TKTL1: variants seen among roughly 807,000 people sequenced by gnomAD.
TKTL1 encodes the protein transketolase-like protein 1.
TKTL1 carries 1 observed loss-of-function variant against 39.3 expected under a neutral mutation model. The ratio of observed to expected loss-of-function variants is 0.03; its 90% CI spans 0.01 to 0.12. The LOEUF (loss-of-function observed/expected upper bound fraction) is 0.12, where lower values mean the gene tolerates loss of function less well. TKTL1 is among the 10% of genes least tolerant of loss of function. The pLI is 1.00. For synonymous variants in TKTL1, 262 were observed against 193.8 expected, an observed-to-expected ratio of 1.35 and a Z score of -2.92; for missense variants, 575 against 509.6, an observed-to-expected ratio of 1.13 and a Z score of -1.24.
chrX:154,307,695 G>A (rs781980211), intron 2 of TKTL1, among the ~76,000 whole-genome samples: 1 of 112,894 alleles, frequency 8.9e-6, no homozygotes, highest in South Asian at 3.6e-4. Context: ...TTCACAGCCA[G>A]AGGGAAGCAG....
intron 3 of TKTL1, among the ~76,000 whole-genome samples, chrX:154,310,214 T>A (rs1486289618): frequency 9.1e-6 from 1 of 109,823 alleles, no homozygotes; most frequent in East Asian, 3.0e-4. Flanking sequence ...CCCAGCACTT[T>A]GGGAGGCCGA....
intron 9 of TKTL1, among the ~76,000 whole-genome samples, chrX:154,324,845 A>T (rs2067481220): frequency 8.9e-6 from 1 of 112,316 alleles, no homozygotes; most frequent in Non-Finnish European, 1.9e-5. Context: ...TACTTTAGAC[A>T]TACAAGTGTT....
chrX:154,326,381 C>G (rs1307061266), intron 10 of TKTL1, among the ~76,000 whole-genome samples: 1 of 112,387 alleles, frequency 8.9e-6, no homozygotes, highest in Non-Finnish European at 1.9e-5. Flanking sequence ...TGGCATGCTT[C>G]CTTCCTGTCT....
intron 1 of TKTL1, among the ~76,000 whole-genome samples, chrX:154,302,533 G>C (rs781924753): frequency 9.0e-6 from 1 of 110,875 alleles, no homozygotes; most frequent in South Asian, 3.8e-4. Flanking sequence ...TCATAAAGGC[G>C]CTGATCCCAT....
chrX:154,308,054 C>T lies in TKTL1; in HGVS notation c.253-1291C>T, dbSNP rs186048793. ...ACAGTAGTGATGACCTCGCTCATCT[C>T]TGCTCGAATGGCGCTGACGTTTGAG... On this transcript the variant is annotated intron_variant, in intron 2 of 12. Transcript: ENST00000369915. 1.0e-3 allele frequency among the ~76,000 whole-genome samples: 112 copies of T among 112,018 alleles called. 1 individual carries two copies. The Middle Eastern group carries it at 0.014, about 14-fold the overall frequency.
At chrX:154,318,509 C>T (rs1165909439) in intron 7 of TKTL1, among the ~76,000 whole-genome samples, 5 of 104,699 alleles carry the variant, frequency 4.8e-5, no homozygotes, top group African/African-American at 1.8e-4. Flanking sequence ...ACCATCCTGG[C>T]TAACATGGTG....
intron 7 of TKTL1, among the ~76,000 whole-genome samples, chrX:154,316,968 C>T (rs2067405940): frequency 9.0e-6 from 1 of 110,609 alleles, no homozygotes; most frequent in African/African-American, 3.3e-5. Context: ...CAGGGTTTCA[C>T]CATGTTGGTC....
intron 2 of TKTL1, 143 bp downstream of exon 2, chrX:154,305,564 T>A: frequency 1.3e-6 from 1 of 749,965 alleles, no homozygotes; most frequent in Non-Finnish European, 1.9e-6. Context: ...GCTCGAGTGT[T>A]CTAGTGAGGG....
chrX:154,325,284 G>T lies in TKTL1; in HGVS notation c.1318-55G>T, dbSNP rs923309587. ...CCCTCCTTCACTTCTTTCAACGTCTGTTGTTGGAAATTCATTGTTTGCTTT... is the reference window on the plus strand; with the variant it reads ...CCCTCCTTCACTTCTTTCAACGTCTTTTGTTGGAAATTCATTGTTTGCTTT... On this transcript the variant is annotated intron_variant, in intron 9 of 12. Transcript: ENST00000369915. The T allele has an allele frequency of 6.2e-5, 68 of 1,096,958 alleles. No individual in the cohort carries two copies. In the African/African-American group the frequency reaches 1.2e-3, roughly 20 times the overall value. 90.4% of individuals were successfully genotyped at this position (1,096,958 alleles called of 1,213,427 possible).
chrX:154,296,585 G>C (rs1321127132), intron 1 of TKTL1, among the ~76,000 whole-genome samples: 1 of 111,864 alleles, frequency 8.9e-6, no homozygotes, highest in East Asian at 2.8e-4. Context: ...TTGTGCTGTT[G>C]GGTTTGCTGG....
chrX:154,309,494 C>A, intron 3 of TKTL1, 52 bp downstream of exon 3: 17 of 1,044,769 alleles, frequency 1.6e-5, no homozygotes, highest in Non-Finnish European at 2.1e-5. Context: ...ACATCCCCTT[C>A]CTAGAGTCTC....
intron 1 of TKTL1, 105 bp from the exon 2 acceptor site, chrX:154,305,199 C>T (rs1002473120): frequency 6.8e-6 from 8 of 1,175,160 alleles, no homozygotes; most frequent in Admixed American, 4.5e-5. Context: ...GGATTCTTCC[C>T]GGGCTGGGAG....
chrX:154,319,264 T>A, intron 7 of TKTL1, among the ~76,000 whole-genome samples: 1 of 112,468 alleles, frequency 8.9e-6, no homozygotes, highest in Non-Finnish European at 1.9e-5. Context: ...TAAAAGTTAT[T>A]TACAGAGTTG....
At chrX:154,327,271 A>T (rs1228766241) in intron 10 of TKTL1, 2 of 428,645 alleles carry the variant, frequency 4.7e-6, no homozygotes, top group African/African-American at 4.9e-5. Context: ...CTTAGCACTC[A>T]GCGTGTTGCC....
intron 8 of TKTL1, among the ~76,000 whole-genome samples, chrX:154,321,685 C>T (rs1432283840): frequency 1.9e-5 from 2 of 107,524 alleles, no homozygotes; most frequent in East Asian, 2.9e-4. Context: ...AGCCAGCTGG[C>T]GTGCCTGTGG....
chrX:154,311,423 A>C (rs2067356845), intron 5 of TKTL1, among the ~76,000 whole-genome samples, 185 bp downstream of exon 5: 1 of 111,968 alleles, frequency 8.9e-6, no homozygotes, highest in African/African-American at 3.3e-5. Context: ...TTAGGATAGG[A>C]GATATCAAAA....
At chrX:154,322,881 G>A (rs782659228) in intron 8 of TKTL1, among the ~76,000 whole-genome samples, 11 of 111,801 alleles carry the variant, frequency 9.8e-5, no homozygotes, top group African/African-American at 3.6e-4. Context: ...AAAGAGAACG[G>A]GTTCAGAGAC....
At chrX:154,312,912 C>A in intron 6 of TKTL1, 139 bp downstream of exon 6, 1 of 589,517 alleles carries the variant, frequency 1.7e-6, no homozygotes, top group Non-Finnish European at 2.6e-6. Flanking sequence ...ATGTAACTAA[C>A]AGTTCGTAGG....
Position 154,305,432 on chromosome X carries a change from G to A in TKTL1, c.252+11G>A, listed in dbSNP as rs1449646791. 8.3e-6 allele frequency: 10 copies of A among 1,202,390 alleles called. No homozygotes were observed. Among genetic ancestry groups the A allele is most frequent in the Non-Finnish European group, 1.1e-5 (10 of 889,014 alleles). ...TTTGTCCTCGCAAAGGTATGCCGGT[G>A]GGGAGCCCAGGGCTGCTGTGGCGCC... On this transcript the variant is annotated intron_variant, in intron 2 of 12. Coordinates refer to ENST00000369915, the MANE Select transcript of TKTL1 (RefSeq NM_012253.4).
Sources: allele counts gnomAD v4.1 joint callset (sites outside exome capture counted in the v4.1 genomes callset), GRCh38; gene constraint gnomAD v4.1.1; transcripts MANE v1.5; gene names NCBI Gene and HGNC (gene_info 2026-07-23, HGNC 2026-07-21).